The following KIAA1549L variants were observed in gnomAD, a reference collection of about 807,000 sequenced individuals.
KIAA1549L encodes KIAA1549 like, also known as UPF0606 protein KIAA1549L.
KIAA1549L carries 88 observed loss-of-function variants against 160.7 expected under a neutral mutation model. The ratio of observed to expected loss-of-function variants is 0.55; its 90% CI spans 0.46 to 0.65. The LOEUF is 0.65. Among genes scored for constraint, KIAA1549L ranks in the 30% least tolerant of loss-of-function variants. The probability of loss-of-function intolerance (pLI) is 0.00; values close to 1 mark genes in which losing one functional copy is unlikely to be tolerated. For synonymous variants in KIAA1549L, 950 were observed against 976.7 expected (o/e 0.97, Z 0.51); for missense variants, 2,258 against 2,437.5 (o/e 0.93, Z 1.55).
intron 1 of KIAA1549L, among the ~76,000 whole-genome samples, chr11:33,441,701 G>C (rs1851510451): frequency 6.6e-6 from 1 of 152,040 alleles, no homozygotes; most frequent in Non-Finnish European, 1.5e-5. Flanking sequence ...TGTGTCTTTT[G>C]GCTGCATAAA....
At position 33,542,797 on chromosome 11, in the gene KIAA1549L, G is replaced by C; in HGVS notation, c.1234G>C (p.Ala412Pro). The C allele has an allele frequency of 6.2e-7, 1 of 1,613,844 alleles. No homozygotes were observed. The highest frequency in any genetic ancestry group is 8.5e-7 in the Non-Finnish European group (1 of 1,179,850). Residue 412 changes from alanine to proline, a missense_variant, in exon 2 of 21, where the codon GCG (alanine) becomes CCG (proline). Transcript: ENST00000658780. ...GCCAACTTTTAAGAATACAGAAACA[G>C]CGACCCATGAGGCTGAGCCTCCACT... ...SLPTFKNTET[A>P]THEAEPPLFQ... is the part of the protein sequence containing the mutation.
intron 5 of KIAA1549L, 93 bp downstream of exon 5, chr11:33,551,352 C>T: frequency 9.2e-7 from 1 of 1,085,478 alleles, no homozygotes; most frequent in South Asian, 1.4e-5. Context: ...TTGCTAGCTG[C>T]TGTGTCATTT....
intron 9 of KIAA1549L, among the ~76,000 whole-genome samples, chr11:33,572,877 C>T (rs1855312694): frequency 6.6e-6 from 1 of 152,194 alleles, no homozygotes; most frequent in African/African-American, 2.4e-5. Flanking sequence ...ACTGCCAGAC[C>T]TTTCTTCAAA....
In KIAA1549L at chr11:33,598,857, G is replaced by A. The variant is rs1265024078; in HGVS notation, c.4789G>A (p.Glu1597Lys). 29 of 1,613,936 alleles carry A rather than the reference G, an allele frequency of 1.8e-5. No homozygotes were observed. Among genetic ancestry groups the A allele is most frequent in the Non-Finnish European group, 2.4e-5 (28 of 1,179,862 alleles). The change falls in exon 13 of 21, where the codon GAA (glutamate) becomes AAA (lysine). Residue 1597 changes from glutamate (E) to lysine (K), a missense_variant. Transcript: ENST00000658780. ...TGAGAATGGCTCTGTCATCAGCAAC[G>A]AATCAGGGAAGCCCAGCTCAGGGAG... is the stretch of plus-strand genomic sequence containing the variant. ...PSENGSVISN[E>K]SGKPSSGRRS...
intron 1 of KIAA1549L, among the ~76,000 whole-genome samples, chr11:33,379,270 C>T (rs1425438236): frequency 6.6e-6 from 1 of 152,154 alleles, no homozygotes; most frequent in Non-Finnish European, 1.5e-5. Context: ...GCAGTGTGTT[C>T]CCAGTCTACT....
intron 12 of KIAA1549L, among the ~76,000 whole-genome samples, chr11:33,598,112 C>T (rs1850251465): frequency 6.6e-6 from 1 of 151,802 alleles, no homozygotes; most frequent in African/African-American, 2.4e-5. Flanking sequence ...AACGTATTTC[C>T]TGAATGAACA....
At chr11:33,524,621 T>C (rs1853572580) in intron 1 of KIAA1549L, among the ~76,000 whole-genome samples, 1 of 152,230 alleles carries the variant, frequency 6.6e-6, no homozygotes, top group Non-Finnish European at 1.5e-5. Context: ...TAGCTTTTAC[T>C]GTTCCAACTG....
chr11:33,485,539 T>C (rs1404160116), intron 1 of KIAA1549L, among the ~76,000 whole-genome samples: 1 of 152,216 alleles, frequency 6.6e-6, no homozygotes, highest in Non-Finnish European at 1.5e-5. Flanking sequence ...AAACCTGTTA[T>C]ATATTTATGG....
chr11:33,667,405 T>G (rs1852503783), intron 20 of KIAA1549L, among the ~76,000 whole-genome samples: 1 of 152,086 alleles, frequency 6.6e-6, no homozygotes, highest in African/African-American at 2.4e-5. Context: ...TACCTTTTTT[T>G]TTTTTGAGAC....
chr11:33,621,381 C>G (rs1850954205), intron 16 of KIAA1549L, among the ~76,000 whole-genome samples: 1 of 152,136 alleles, frequency 6.6e-6, no homozygotes, highest in South Asian at 2.1e-4. Flanking sequence ...TAGTACACTC[C>G]CGGCACTAAC....
chr11:33,599,112 T>G, intron 13 of KIAA1549L, 165 bp downstream of exon 13: 1 of 683,072 alleles, frequency 1.5e-6, no homozygotes, highest in Non-Finnish European at 2.4e-6. Flanking sequence ...ATGTACCCCT[T>G]GGGTTCTCAC....
At chr11:33,383,153 G>T (rs1850106366) in intron 1 of KIAA1549L, among the ~76,000 whole-genome samples, 1 of 151,980 alleles carries the variant, frequency 6.6e-6, no homozygotes, top group South Asian at 2.1e-4. Context: ...TCTCTCAGAA[G>T]CTTACTTAGC....
At chr11:33,508,980 C>T (rs914732018) in intron 1 of KIAA1549L, among the ~76,000 whole-genome samples, 3 of 152,158 alleles carry the variant, frequency 2.0e-5, no homozygotes, top group Non-Finnish European at 4.4e-5. Flanking sequence ...TGGGGGAGTT[C>T]AACTCTCAAA....
At chr11:33,419,867 TAC>T (rs1850964809) in intron 1 of KIAA1549L, among the ~76,000 whole-genome samples, 1 of 98,468 alleles carries the variant, frequency 1.0e-5, no homozygotes, top group African/African-American at 3.4e-5. Context: ...TATACATACA[TAC>T]ATACATACAT....
At chr11:33,665,538 TGACTGAGCCCCAGG>T (rs1852414750) in intron 20 of KIAA1549L, 1 of 152,344 alleles carries the variant, frequency 6.6e-6, no homozygotes, top group South Asian at 2.1e-4. Flanking sequence ...TGCCCTGCTC[TGACTGAGCCCCAGG>T]GCTTTTATGG....
chr11:33,520,763 G>A (rs1158510353), intron 1 of KIAA1549L, among the ~76,000 whole-genome samples: 5 of 127,000 alleles, frequency 3.9e-5, no homozygotes, highest in East Asian at 2.4e-4. Context: ...CCCCTCTCTC[G>A]TAATTGTTTT....
intron 5 of KIAA1549L, 136 bp downstream of exon 5, chr11:33,551,395 T>C: frequency 1.4e-6 from 1 of 711,598 alleles, no homozygotes; most frequent in Non-Finnish European, 2.4e-6. Flanking sequence ...CAAAGGGTCC[T>C]GCTAATCAAA....
At position 33,545,134 on chromosome 11, in the gene KIAA1549L, C is replaced by T. The variant is rs777592745; in HGVS notation, c.3141C>T (p.Ala1047=). 1.3e-5 allele frequency: 21 copies of T among 1,613,910 alleles called. No homozygotes were observed. The East Asian group carries it at 4.5e-4, about 34-fold the overall frequency. Residue 1047 remains alanine, a synonymous_variant, in exon 3 of 21, where the codon GCC becomes GCT. Coordinates refer to ENST00000658780, the MANE Select transcript of KIAA1549L (RefSeq NM_012194.3). ...CTTACCTCCCCAGGAAACCACAAGCCATGCACACCGGCCTCCCAAACCCCA... is the reference window on the plus strand; with the variant it reads ...CTTACCTCCCCAGGAAACCACAAGCTATGCACACCGGCCTCCCAAACCCCA... ...STTYLPRKPQ[A]MHTGLPNPTN...
At chr11:33,482,754 G>A (rs1471257778) in intron 1 of KIAA1549L, among the ~76,000 whole-genome samples, 1 of 151,762 alleles carries the variant, frequency 6.6e-6, no homozygotes, top group African/African-American at 2.4e-5. Context: ...GTTTTTAGTA[G>A]AGATGGGGTT....
Sources: allele counts gnomAD v4.1 joint callset (sites outside exome capture counted in the v4.1 genomes callset), GRCh38; gene constraint gnomAD v4.1.1; transcripts MANE v1.5; gene names NCBI Gene and HGNC (gene_info 2026-07-23, HGNC 2026-07-21).